The following ACSL5 variants were observed in gnomAD, a reference collection of about 807,000 sequenced individuals.
ACSL5 encodes acyl-CoA synthetase long chain family member 5.
In ACSL5, 50 loss-of-function variants were observed where a neutral mutation model predicts 84.9. The observed-to-expected ratio is 0.59, with a 90% confidence interval of 0.47 to 0.75. ACSL5 has a LOEUF of 0.75. ACSL5 is among the 30% of genes least tolerant of loss of function. The pLI, the probability that ACSL5 is intolerant of heterozygous loss-of-function variation, is 0.00. For missense variants in ACSL5, 775 were observed against 830.4 expected, an observed-to-expected ratio of 0.93 and a Z score of 0.82; for synonymous variants, 280 against 300.7, an observed-to-expected ratio of 0.93 and a Z score of 0.71.
At chr10:112,413,037 T>A (rs563606663) in intron 11 of ACSL5, 136 bp from the exon 12 acceptor site, 1 of 893,630 alleles carries the variant, frequency 1.1e-6, no homozygotes, top group Non-Finnish European at 1.7e-6. Context: ...CTCAGCCCAC[T>A]TCCCAAATTC....
At chr10:112,388,943 G>T (rs770964137) in intron 1 of ACSL5, among the ~76,000 whole-genome samples, 1 of 152,192 alleles carries the variant, frequency 6.6e-6, no homozygotes, top group Non-Finnish European at 1.5e-5. Flanking sequence ...AATAGGGTTT[G>T]AGTGGGATAT....
chr10:112,410,643 C>T lies in ACSL5; in HGVS notation c.796+8C>T. 6.2e-7 allele frequency: 1 copy of T among 1,612,020 alleles called. No individual in the cohort carries two copies. The highest frequency in any genetic ancestry group is 8.5e-7 in the Non-Finnish European group (1 of 1,179,328). Reference sequence around the variant, plus strand: ...TCACCAGTGGGACCACAGGTCTGTGCCCATGAAACTGAACCTTAGACCCCT... The same window carrying T: ...TCACCAGTGGGACCACAGGTCTGTGTCCATGAAACTGAACCTTAGACCCCT... On this transcript the variant is annotated splice_region_variant and intron_variant, in intron 9 of 20. Coordinates refer to ENST00000354655, the MANE Select transcript of ACSL5 (RefSeq NM_203379.2).
chr10:112,411,254 C>G (rs1844169294), intron 9 of ACSL5: 2 of 577,246 alleles, frequency 3.5e-6, no homozygotes, highest in Non-Finnish European at 6.2e-6. Context: ...TAGTAGAAGG[C>G]CAACGATGCA....
chr10:112,395,760 A>T (rs1843734072), intron 2 of ACSL5: 1 of 152,158 alleles, frequency 6.6e-6, no homozygotes, highest in Non-Finnish European at 1.5e-5. Flanking sequence ...GAATATCTTC[A>T]TCTGTTTTCA....
chr10:112,400,413 T>TC (rs1843856640), intron 3 of ACSL5, among the ~76,000 whole-genome samples: 1 of 114,724 alleles, frequency 8.7e-6, no homozygotes, highest in South Asian at 2.9e-4. Flanking sequence ...TTTCTTTTTT[T>TC]TTTTTTTTTT....
intron 16 of ACSL5, 80 bp from the exon 17 acceptor site, chr10:112,422,245 G>C: frequency 8.1e-7 from 1 of 1,228,622 alleles, no homozygotes; most frequent in South Asian, 1.3e-5. Context: ...TGATTTAAGG[G>C]GAGCAGGTGT....
rs548378787 is a variant in ACSL5, at chr10:112,404,770, C to A, written c.396C>A (p.Asp132Glu). ...ATAAAGGTTATAAATCATCACCAGA[C>A]CAGTTTGTCGGCATCTTTGCTCAGA... ...LLHKGYKSSP[D>E]QFVGIFAQNR... Residue 132 changes from aspartate to glutamate, a missense_variant, in exon 5 of 21, where the codon GAC (aspartate) becomes GAA (glutamate). By Grantham distance (45) the Asp-to-Glu change is conservative. Coordinates refer to ENST00000354655, the MANE Select transcript of ACSL5 (RefSeq NM_203379.2). The A allele has an allele frequency of 1.9e-6, 3 of 1,613,946 alleles. No homozygotes were observed. The highest frequency in any genetic ancestry group is 1.1e-5 in the South Asian group (1 of 91,068).
intron 1 of ACSL5, among the ~76,000 whole-genome samples, chr10:112,382,585 A>G (rs895782634): frequency 6.6e-6 from 1 of 152,132 alleles, no homozygotes; most frequent in Non-Finnish European, 1.5e-5. Context: ...CACCTCTTCT[A>G]TCTCTTCTGA....
chr10:112,424,850 T>C (rs1844608378), intron 17 of ACSL5: 1 of 152,298 alleles, frequency 6.6e-6, no homozygotes, highest in South Asian at 2.1e-4. Context: ...AGCCCAGTAA[T>C]TGAGTTGCTT....
At chr10:112,387,865 C>T (rs1212598113) in intron 1 of ACSL5, among the ~76,000 whole-genome samples, 1 of 150,138 alleles carries the variant, frequency 6.7e-6, no homozygotes, top group African/African-American at 2.5e-5. Flanking sequence ...CAATTTATGT[C>T]TTATTATTGC....
intron 5 of ACSL5, 122 bp from the exon 6 acceptor site, chr10:112,408,300 A>G (rs1156368454): frequency 1.1e-3 from 321 of 293,470 alleles, no homozygotes; most frequent in Non-Finnish European, 1.6e-3. Context: ...CACTGTCTCA[A>G]AAAAAAAAAA....
intron 1 of ACSL5, among the ~76,000 whole-genome samples, chr10:112,394,362 C>A (rs188720702): frequency 7.9e-4 from 120 of 152,280 alleles, no homozygotes; most frequent in Non-Finnish European, 1.5e-3. Flanking sequence ...TTCCGATGCT[C>A]CAAAAAATAA....
At chr10:112,376,592 T>G in intron 1 of ACSL5, 1 of 1,112,268 alleles carries the variant, frequency 9.0e-7, no homozygotes, top group Non-Finnish European at 1.3e-6. Context: ...CATCATGCTG[T>G]CTCCCTCCTG....
chr10:112,381,837 C>A (rs899128480), intron 1 of ACSL5, among the ~76,000 whole-genome samples: 1 of 151,272 alleles, frequency 6.6e-6, no homozygotes, highest in Non-Finnish European at 1.5e-5. Context: ...CGTGGTGGCA[C>A]GTGCCTGTAG....
intron 1 of ACSL5, among the ~76,000 whole-genome samples, chr10:112,379,304 C>T (rs1003898579): frequency 2.6e-5 from 4 of 151,686 alleles, no homozygotes; most frequent in Admixed American, 2.0e-4. Context: ...ACTCGGGAGG[C>T]TGAGGCAGGA....
chr10:112,419,102 C>CTGTGTG (rs57261585), intron 14 of ACSL5, among the ~76,000 whole-genome samples: 5,602 of 146,408 alleles, frequency 0.038, 296 homozygotes, highest in Admixed American at 0.17. Flanking sequence ...CACAATGTAT[C>CTGTGTG]TGTGTGTGTG....
chr10:112,376,227 G>A (rs950102316), intron 1 of ACSL5: 32 of 1,555,512 alleles, frequency 2.1e-5, no homozygotes, highest in South Asian at 5.9e-5. Context: ...CCCCGAGCAC[G>A]TTAGAAAGCC....
At chr10:112,422,906 AG>A (rs1844511725) in intron 17 of ACSL5, among the ~76,000 whole-genome samples, 1 of 149,450 alleles carries the variant, frequency 6.7e-6, no homozygotes, top group Admixed American at 6.7e-5. Context: ...AGTTAAAAAA[AG>A]GCTGGGCATG....
intron 2 of ACSL5, chr10:112,396,069 T>C (rs10787446): frequency 0.91 from 138,114 of 152,276 alleles, 62,739 homozygotes; most frequent in East Asian, 0.99. Flanking sequence ...GATCTGACCT[T>C]TTACCACTAC....
Sources: allele counts gnomAD v4.1 joint callset (sites outside exome capture counted in the v4.1 genomes callset), GRCh38; gene constraint gnomAD v4.1.1; transcripts MANE v1.5; gene names NCBI Gene and HGNC (gene_info 2026-07-23, HGNC 2026-07-21).